Variants in DENND2C observed in about 807,000 individuals in gnomAD.
DENND2C encodes DENN domain-containing protein 2C.
DENND2C carries 72 observed loss-of-function variants against 112.4 expected under a neutral mutation model. The ratio of observed to expected loss-of-function variants is 0.64; its 90% confidence interval spans 0.53 to 0.78. The LOEUF (loss-of-function observed/expected upper bound fraction) is 0.78. DENND2C is among the 30% of genes least tolerant of loss of function. The pLI is 0.00. For synonymous variants in DENND2C, 329 were observed against 381.6 expected (o/e 0.86, Z 1.61); for missense variants, 992 against 1,113.8 (o/e 0.89, Z 1.56).
In DENND2C at chr1:114,623,658, T is replaced by C. The variant is rs1340853700; in HGVS notation, c.807-15A>G. On this transcript the variant is annotated splice_polypyrimidine_tract_variant and intron_variant, in intron 4 of 20. Coordinates refer to ENST00000393274, the MANE Select transcript of DENND2C (RefSeq NM_001256404.2). ...CAAAGGATTTCCTTAAAAAAGGAGA[T>C]ATATTTTAAAGTTATATCTTTCAAA... is the stretch of plus-strand genomic sequence containing the variant. 5 of 1,570,742 alleles carry C rather than the reference T, an allele frequency of 3.2e-6. No homozygotes were observed. The highest frequency in any genetic ancestry group is 4.3e-6 in the Non-Finnish European group (5 of 1,160,052).
intron 3 of DENND2C, among the ~76,000 whole-genome samples, chr1:114,638,788 A>G (rs1481284645): frequency 1.3e-5 from 2 of 150,964 alleles, no homozygotes; most frequent in African/African-American, 4.8e-5. Flanking sequence ...AAGAGAAAAA[A>G]GAAAAAAAAA....
In DENND2C at chr1:114,601,496, T is replaced by C. The variant is rs746049089; in HGVS notation, c.1815+12A>G. ...AGGACACCATTTTTCATACAGCTCA[T>C]TCTCCACTCACCTTTGAAAAAAGAT... On this transcript the variant is annotated intron_variant, in intron 13 of 20. Coordinates refer to ENST00000393274, the MANE Select transcript of DENND2C (RefSeq NM_001256404.2). 6.8e-6 allele frequency: 11 copies of C among 1,609,028 alleles called. No homozygotes were observed. In the African/African-American group the frequency reaches 1.5e-4, roughly 22 times the overall value.
chr1:114,599,265 C>T lies in DENND2C; in HGVS notation c.2283+9G>A. 6.3e-7 allele frequency: 1 copy of T among 1,587,532 alleles called. No homozygotes were observed. The highest frequency in any genetic ancestry group is 8.6e-7 in the Non-Finnish European group (1 of 1,162,898). ...TGCTCCAATATTAGGTTCCATTCTTCTATCTCACCTCTTCAATGGGTAGGT... is the reference window on the plus strand; with the variant it reads ...TGCTCCAATATTAGGTTCCATTCTTTTATCTCACCTCTTCAATGGGTAGGT... On this transcript the variant is annotated intron_variant, in intron 16 of 20. Transcript: ENST00000393274.
intron 7 of DENND2C, among the ~76,000 whole-genome samples, chr1:114,618,771 T>G (rs1016707037): frequency 1.3e-5 from 2 of 152,246 alleles, no homozygotes; most frequent in African/African-American, 4.8e-5. Context: ...GCAGGAAATG[T>G]GGCTATTGCC....
chr1:114,664,936 T>C (rs1270324606), intron 1 of DENND2C, among the ~76,000 whole-genome samples: 2 of 32,120 alleles, frequency 6.2e-5, no homozygotes, highest in African/African-American at 3.4e-4. Flanking sequence ...CTACCAAAAA[T>C]ACAAAAAATT....
chr1:114,647,490 T>C (rs1054250534), intron 2 of DENND2C, among the ~76,000 whole-genome samples: 2 of 152,158 alleles, frequency 1.3e-5, no homozygotes, highest in African/African-American at 2.4e-5. Flanking sequence ...GTCTCTAATA[T>C]TCTCCTGGTT....
intron 16 of DENND2C, 65 bp from the exon 17 acceptor site, chr1:114,595,938 A>C: frequency 7.0e-7 from 1 of 1,437,792 alleles, no homozygotes; most frequent in East Asian, 2.3e-5. Context: ...AGGCAATGAG[A>C]ATAGTTTTAA....
intron 3 of DENND2C, among the ~76,000 whole-genome samples, chr1:114,629,250 T>C (rs1264713199): frequency 2.0e-5 from 3 of 152,074 alleles, no homozygotes; most frequent in Non-Finnish European, 2.9e-5. Flanking sequence ...ACCTGAACAA[T>C]AGAAGTATAA....
At chr1:114,592,131 C>CA (rs1179948072) in intron 18 of DENND2C, among the ~76,000 whole-genome samples, 1 of 151,992 alleles carries the variant, frequency 6.6e-6, no homozygotes, top group Admixed American at 6.6e-5. Context: ...GTGATCTGCC[C>CA]ACCTCCGCCT....
In DENND2C at chr1:114,623,647, A is replaced by T. The variant is rs759846098; in HGVS notation, c.807-4T>A. 3 of 1,581,384 alleles carry T rather than the reference A, an allele frequency of 1.9e-6. No individual in the cohort carries two copies. In the South Asian group the frequency reaches 3.5e-5, roughly 19 times the overall value. Reference sequence around the variant, plus strand: ...ATCCTCAAATTCAAAGGATTTCCTTAAAAAAGGAGATATATTTTAAAGTTA... The same window carrying T: ...ATCCTCAAATTCAAAGGATTTCCTTTAAAAAGGAGATATATTTTAAAGTTA... On this transcript the variant is annotated splice_polypyrimidine_tract_variant and splice_region_variant and intron_variant, in intron 4 of 20. Coordinates refer to ENST00000393274, the MANE Select transcript of DENND2C (RefSeq NM_001256404.2).
chr1:114,617,044 A>C (rs1407751305), intron 8 of DENND2C, among the ~76,000 whole-genome samples: 2 of 152,140 alleles, frequency 1.3e-5, no homozygotes, highest in Non-Finnish European at 2.9e-5. Flanking sequence ...CGTGAGACTT[A>C]TTCACTCTCA....
intron 11 of DENND2C, 98 bp from the exon 12 acceptor site, chr1:114,602,292 T>A (rs543504282): frequency 3.3e-6 from 4 of 1,216,914 alleles, no homozygotes; most frequent in Admixed American, 4.3e-5. Context: ...ACAGTAGTCA[T>A]TTTGTGATCT....
intron 14 of DENND2C, 28 bp downstream of exon 14, chr1:114,600,792 C>T: frequency 1.2e-6 from 2 of 1,602,710 alleles, no homozygotes; most frequent in South Asian, 1.1e-5. Flanking sequence ...TTAGTGCTAT[C>T]AAATCTTTTC....
intron 1 of DENND2C, among the ~76,000 whole-genome samples, chr1:114,665,418 T>C (rs1657620973): frequency 6.6e-6 from 1 of 152,212 alleles, no homozygotes; most frequent in Non-Finnish European, 1.5e-5. Flanking sequence ...GCTCCAATAA[T>C]ACTTTGGGCA....
intron 3 of DENND2C, among the ~76,000 whole-genome samples, chr1:114,637,081 C>A (rs1656676964): frequency 1.6e-5 from 2 of 123,766 alleles, no homozygotes; most frequent in Non-Finnish European, 3.4e-5. Flanking sequence ...CCTGTCTTTA[C>A]TAAAACAAAA....
intron 5 of DENND2C, 77 bp from the exon 6 acceptor site, chr1:114,623,176 A>C: frequency 7.4e-7 from 1 of 1,347,482 alleles, no homozygotes; most frequent in Non-Finnish European, 1.0e-6. Flanking sequence ...AAAAGAAAGA[A>C]AAAGCTAACT....
Position 114,587,679 on chromosome 1 carries a change from A to T in DENND2C, c.2668+37T>A, listed in dbSNP as rs1023237043. On this transcript the variant is annotated intron_variant, in intron 19 of 20. Transcript: ENST00000393274. ...TATAGTAAAATCTTTCAAGGTATTC[A>T]CTAAATAGAGAGGGAGAACTTTATA... The T allele has an allele frequency of 2.6e-6, 4 of 1,550,876 alleles. No individual in the cohort carries two copies. The African/African-American group carries it at 5.5e-5, about 21-fold the overall frequency.
intron 3 of DENND2C, among the ~76,000 whole-genome samples, chr1:114,641,273 A>G (rs1370846458): frequency 2.6e-5 from 4 of 151,802 alleles, no homozygotes; most frequent in African/African-American, 2.4e-5. Flanking sequence ...AAAAAAAAAA[A>G]AAAAGAAAAG....
At chr1:114,621,296 C>T (rs1656158325) in intron 7 of DENND2C, among the ~76,000 whole-genome samples, 1 of 152,132 alleles carries the variant, frequency 6.6e-6, no homozygotes, top group Non-Finnish European at 1.5e-5. Flanking sequence ...AAATATATGT[C>T]TGCCTGCAAG....
Sources: gnomAD v4.1 joint callset for allele counts (sites outside exome capture counted in the v4.1 genomes callset) on GRCh38, gnomAD v4.1.1 for gene constraint, MANE v1.5 for transcripts, NCBI Gene and HGNC (gene_info 2026-07-23, HGNC 2026-07-21) for gene names.